Variants in TTN observed in about 807,000 individuals in gnomAD.
TTN encodes the protein connectin.
A neutral mutation model predicts 3,223.0 loss-of-function variants in TTN; 1,525 were observed. That is an observed-to-expected ratio of 0.47 (90% CI 0.45 to 0.49). The LOEUF (loss-of-function observed/expected upper bound fraction) is 0.49. TTN is among the 20% of genes least tolerant of loss of function. The pLI is 0.00. For missense variants in TTN, 40,786 were observed against 43,424.0 expected (o/e 0.94, Z 5.40); for synonymous variants, 14,094 against 15,161.0 (o/e 0.93, Z 5.17).
intron 47 of TTN, among the ~76,000 whole-genome samples, chr2:178,752,248 C>G (rs1028497198): frequency 6.6e-6 from 1 of 151,964 alleles, no homozygotes; most frequent in Non-Finnish European, 1.5e-5. Context: ...GTTGTCTGGT[C>G]TTTTCTTCAA....
rs1399168725 is a variant in TTN, at chr2:178,565,993, T to C, written c.80139A>G (p.Ala26713=). 3 of 1,613,588 alleles carry C rather than the reference T, an allele frequency of 1.9e-6. No homozygotes were observed. Among genetic ancestry groups the C allele is most frequent in the Non-Finnish European group, 2.5e-6 (3 of 1,179,620 alleles). ...TGTCAATCACATAGTTCTTGACCTT[T>C]GCCCCTCCATCAATGATGGGTGGCT... The part of the protein sequence containing the change: ...VWEPPIIDGG[A]KVKNYVIDKR... Residue 26713 remains alanine (A), a synonymous_variant, in exon 326 of 363, where the codon GCA becomes GCG. Coordinates refer to ENST00000589042, the MANE Select transcript of TTN (RefSeq NM_001267550.2).
chr2:178,572,205 C>A lies in TTN; in HGVS notation c.73927G>T (p.Asp24643Tyr), dbSNP rs536049211. 1 of 1,613,498 alleles carries A rather than the reference C, an allele frequency of 6.2e-7. No individual in the cohort carries two copies. The highest frequency in any genetic ancestry group is 2.2e-5 in the East Asian group (1 of 44,748). Residue 24643 changes from aspartate (D) to tyrosine (Y), a missense_variant, in exon 326 of 363, where the codon GAT (aspartate) becomes TAT (tyrosine). Coordinates refer to ENST00000589042, the MANE Select transcript of TTN (RefSeq NM_001267550.2). Reference sequence around the variant, plus strand: ...TAGCCTAGAATTCGGCTGCCTCCATCATGCTCTGGTTTCTCCCAAGAGAGT... The same window carrying A: ...TAGCCTAGAATTCGGCTGCCTCCATAATGCTCTGGTTTCTCCCAAGAGAGT... ...VSLSWEKPEH[D>Y]GGSRILGYIV...
Position 178,601,402 on chromosome 2 carries a change from T to C in TTN, c.55595A>G (p.Asp18532Gly). Residue 18532 changes from aspartate (D) to glycine (G), a missense_variant, in exon 287 of 363, where the codon GAC becomes GGC. Asp to Gly is a moderately conservative substitution (Grantham distance 94). Transcript: ENST00000589042. Reference sequence around the variant, plus strand: ...CACTACAAATGTGGTGCTTCCACAGTCTGGATTGACTTTGGTCCAGGCTTT... The same window carrying C: ...CACTACAAATGTGGTGCTTCCACAGCCTGGATTGACTTTGGTCCAGGCTTT... ...DGKAWTKVNPDCGSTTFVVPD... is the reference protein window; with the variant it reads ...DGKAWTKVNPGCGSTTFVVPD... The C allele has an allele frequency of 1.2e-6, 2 of 1,612,820 alleles. No individual in the cohort carries two copies. The highest frequency in any genetic ancestry group is 1.7e-6 in the Non-Finnish European group (2 of 1,179,304).
At position 178,670,393 on chromosome 2, in the gene TTN, C is replaced by T. The variant is rs957873325; in HGVS notation, c.35309-98G>A. On this transcript the variant is annotated intron_variant, in intron 156 of 362. Coordinates refer to ENST00000589042, the MANE Select transcript of TTN (RefSeq NM_001267550.2). ...ATAAACACAGAACAGAACACAGCAACAATATAAAATGCAGACAACACTTTA... is the reference window on the plus strand; with the variant it reads ...ATAAACACAGAACAGAACACAGCAATAATATAAAATGCAGACAACACTTTA... The T allele has an allele frequency of 7.0e-6, 4 of 569,832 alleles. No individual in the cohort carries two copies. In the Admixed American group the frequency reaches 1.7e-4, roughly 24 times the overall value. The allele number at this position is 569,832 out of a possible 1,614,324, so 35.3% of individuals were successfully genotyped here.
chr2:178,757,700 G>A lies in TTN; in HGVS notation c.10520C>T (p.Pro3507Leu), dbSNP rs1161132850. ...QWFHNQQLILPTKDVVFHFEE... is the reference protein window; with the variant it reads ...QWFHNQQLILLTKDVVFHFEE... Reference sequence around the variant, plus strand: ...AAAATGGAAAACTACATCTTTTGTTGGTAGAATTAGCTGCTGGTTATGAAA... The same window carrying A: ...AAAATGGAAAACTACATCTTTTGTTAGTAGAATTAGCTGCTGGTTATGAAA... The change falls in exon 45 of 363, where the codon CCA becomes CTA. Residue 3507 changes from proline (P) to leucine (L), a missense_variant. Coordinates refer to ENST00000589042, the MANE Select transcript of TTN (RefSeq NM_001267550.2). 4.3e-6 allele frequency: 7 copies of A among 1,613,780 alleles called. No homozygotes were observed. Among genetic ancestry groups the A allele is most frequent in the Non-Finnish European group, 5.9e-6 (7 of 1,179,800 alleles).
chr2:178,800,306 T>C, intron 4 of TTN, 89 bp downstream of exon 4: 1 of 1,535,440 alleles, frequency 6.5e-7, no homozygotes, highest in Non-Finnish European at 8.9e-7. Context: ...TTCCCAGGGC[T>C]GTGAGAGGTG....
At position 178,584,727 on chromosome 2, in the gene TTN, G is replaced by T; in HGVS notation, c.64914C>A (p.Asn21638Lys). 6.2e-7 allele frequency: 1 copy of T among 1,613,450 alleles called. No homozygotes were observed. ...QEYIFRVRAE[N>K]RFGISEPLTS... ...TGAGAGGCTCTGAAATGCCAAATCG[G>T]TTTTCAGCACGGACCCGGAAGATGT... Residue 21638 changes from asparagine to lysine, a missense_variant, in exon 310 of 363, where the codon AAC becomes AAA. Physicochemically the swap from Asn to Lys is moderately conservative, Grantham distance 94. Coordinates refer to ENST00000589042, the MANE Select transcript of TTN (RefSeq NM_001267550.2).
At position 178,620,456 on chromosome 2, in the gene TTN, C is replaced by G. The variant is rs397517583; in HGVS notation, c.46065G>C (p.Lys15355Asn). 1.4e-4 allele frequency: 218 copies of G among 1,612,370 alleles called. 2 individuals are homozygous for G. In the South Asian group the frequency reaches 2.3e-3, roughly 17 times the overall value. Residue 15355 changes from lysine to asparagine, a missense_variant, in exon 248 of 363, where the codon AAG becomes AAC. Transcript: ENST00000589042. ...NRVSYRVDKY[K>N]HMLTIKDCGF... ...CACAGTCTTTAATGGTTAACATGTGCTTGTACTTATCAACTCTGTATGAGA... is the reference window on the plus strand; with the variant it reads ...CACAGTCTTTAATGGTTAACATGTGGTTGTACTTATCAACTCTGTATGAGA...
At chr2:178,750,893 C>G in intron 47 of TTN, 2 of 1,612,888 alleles carry the variant, frequency 1.2e-6, no homozygotes, top group East Asian at 4.5e-5. Context: ...CAGCTGTCCT[C>G]TTGCTTGGGT....
chr2:178,745,745 T>A, intron 47 of TTN: 1 of 1,612,764 alleles, frequency 6.2e-7, no homozygotes, highest in Non-Finnish European at 8.5e-7. Flanking sequence ...TTGGACTAAT[T>A]TTCCATCTTT....
Position 178,738,342 on chromosome 2 carries a change from C to T in TTN, c.14111G>A (p.Arg4704Lys). Reference sequence around the variant, plus strand: ...TGCTACTTCCAGGGGTTCGATTTTCCTCTTGATCACTGGGGCAGCTGCAAA... The same window carrying T: ...TGCTACTTCCAGGGGTTCGATTTTCTTCTTGATCACTGGGGCAGCTGCAAA... ...VVKRAAPVIK[R>K]KIEPLEVALG... Residue 4704 changes from arginine (R) to lysine (K), a missense_variant, in exon 49 of 363, where the codon AGG (arginine) becomes AAG (lysine). By Grantham distance (26) the Arg-to-Lys change is conservative. Coordinates refer to ENST00000589042, the MANE Select transcript of TTN (RefSeq NM_001267550.2). 6.2e-7 allele frequency: 1 copy of T among 1,612,230 alleles called. No homozygotes were observed. Among genetic ancestry groups the T allele is most frequent in the African/African-American group, 1.3e-5 (1 of 75,000 alleles).
intron 47 of TTN, chr2:178,751,481 G>A: frequency 1.2e-6 from 2 of 1,613,280 alleles, no homozygotes; most frequent in Non-Finnish European, 8.5e-7. Context: ...GTTAAAGGGA[G>A]AGCCAGTAAA....
At chr2:178,784,462 C>T in intron 15 of TTN, 111 bp from the exon 16 acceptor site, 1 of 1,251,672 alleles carries the variant, frequency 8.0e-7, no homozygotes, top group Non-Finnish European at 1.1e-6. Context: ...TTAATGTTCT[C>T]ATTAGCACTC....
At position 178,573,144 on chromosome 2, in the gene TTN, G is replaced by A. The variant is rs878888593; in HGVS notation, c.72988C>T (p.Pro24330Ser). 6.2e-7 allele frequency: 1 copy of A among 1,613,136 alleles called. No individual in the cohort carries two copies. Among genetic ancestry groups the A allele is most frequent in the Non-Finnish European group, 8.5e-7 (1 of 1,179,490 alleles). ...TVFKPGPPGN[P>S]RVLDTSRSSI... ...GATCTGCTTGTATCCAGAACACGTG[G>A]GTTACCTGGTGGTCCAGGTTTAAAC... The change falls in exon 326 of 363, where the codon CCA becomes TCA. Residue 24330 changes from proline to serine, a missense_variant. Coordinates refer to ENST00000589042, the MANE Select transcript of TTN (RefSeq NM_001267550.2).
rs1665318547 is a variant in TTN, at chr2:178,558,416, C to G, written c.87043G>C (p.Val29015Leu). 1 of 1,613,632 alleles carries G rather than the reference C, an allele frequency of 6.2e-7. No homozygotes were observed. The highest frequency in any genetic ancestry group is 1.3e-5 in the African/African-American group (1 of 74,914). The change falls in exon 327 of 363, where the codon GTG becomes CTG. Residue 29015 changes from valine to leucine, a missense_variant. By Grantham distance (32) the Val-to-Leu change is conservative. Coordinates refer to ENST00000589042, the MANE Select transcript of TTN (RefSeq NM_001267550.2). Reference sequence around the variant, plus strand: ...AGGCCAGCTTGATTTTCAGCAAACACTCGGAAAAAGTATTCAGAATTCTCT... The same window carrying G: ...AGGCCAGCTTGATTTTCAGCAAACAGTCGGAAAAAGTATTCAGAATTCTCT... ...LRENSEYFFR[V>L]FAENQAGLSD... is the part of the protein sequence containing the mutation.
In TTN at chr2:178,539,214, G is replaced by T. The variant is rs375361462; in HGVS notation, c.98721C>A (p.Leu32907=). The part of the protein sequence containing the change: ...PEPPSNPPEV[L]DVTKSSVSLS... ...AGCTAACAGAACTCTTGGTTACATC[G>T]AGTACTTCTGGAGGATTGCTTGGAG... The change falls in exon 353 of 363, where the codon CTC becomes CTA. Residue 32907 remains leucine (L), a synonymous_variant. Coordinates refer to ENST00000589042, the MANE Select transcript of TTN (RefSeq NM_001267550.2). 1.3e-4 allele frequency: 216 copies of T among 1,613,744 alleles called. No individual in the cohort carries two copies. The African/African-American group carries it at 2.3e-3, about 17-fold the overall frequency.
chr2:178,724,230 A>G (rs1230751802), intron 72 of TTN, 30 bp downstream of exon 72: 7 of 1,593,102 alleles, frequency 4.4e-6, no homozygotes, highest in Non-Finnish European at 5.1e-6. Flanking sequence ...GAATTTGCAT[A>G]AGCAACCAGA....
chr2:178,710,993 T>C, intron 97 of TTN, 69 bp downstream of exon 97: 1 of 1,549,094 alleles, frequency 6.5e-7, no homozygotes, highest in Non-Finnish European at 8.7e-7. Flanking sequence ...GAAATAGAAA[T>C]TTCTCCCTAA....
chr2:178,775,506 G>T lies in TTN; in HGVS notation c.6358C>A (p.Arg2120=), dbSNP rs116158152. Residue 2120 remains arginine (R), a synonymous_variant, in exon 28 of 363, where the codon CGG becomes AGG. Coordinates refer to ENST00000589042, the MANE Select transcript of TTN (RefSeq NM_001267550.2). ...EWYKNGVKIE[R]SDRIYWYWPE... The stretch of plus-strand genomic sequence containing the variant: ...CAGTACCAGTAGATCCGGTCAGACC[G>T]TTCAATTTTGACACCATTTTTGTAC... 6.2e-7 allele frequency: 1 copy of T among 1,613,920 alleles called. No homozygotes were observed. The highest frequency in any genetic ancestry group is 2.2e-5 in the East Asian group (1 of 44,822).
Sources: gnomAD v4.1 joint callset for allele counts (sites outside exome capture counted in the v4.1 genomes callset) on GRCh38, gnomAD v4.1.1 for gene constraint, MANE v1.5 for transcripts, NCBI Gene and HGNC (gene_info 2026-07-23, HGNC 2026-07-21) for gene names.